SIDT1: variants seen among roughly 807,000 people sequenced by gnomAD.
The protein encoded by SIDT1 is SID1 transmembrane family, member 1.
Under a neutral mutation model 107.5 loss-of-function variants are expected in SIDT1, and 101 were observed. The ratio of observed to expected loss-of-function variants is 0.94; its 90% CI spans 0.80 to 1.11. The LOEUF (loss-of-function observed/expected upper bound fraction) is 1.11. SIDT1 is among the 50% of genes least tolerant of loss of function. SIDT1 has a pLI of 0.00. For missense variants in SIDT1, 1,076 were observed against 1,058.2 expected (o/e 1.02, Z -0.23); for synonymous variants, 395 against 398.2 (o/e 0.99, Z 0.10).
chr3:113,604,478 A>T (rs1269226903), intron 13 of SIDT1, among the ~76,000 whole-genome samples: 1 of 152,238 alleles, frequency 6.6e-6, no homozygotes, highest in East Asian at 1.9e-4. Flanking sequence ...AGCAGCCTAA[A>T]GAGATAGGCC....
chr3:113,549,845 G>T (rs750261450), intron 1 of SIDT1, among the ~76,000 whole-genome samples: 2 of 151,810 alleles, frequency 1.3e-5, no homozygotes, highest in Non-Finnish European at 2.9e-5. Flanking sequence ...TTTCTCCTAC[G>T]CTATCTTTTG....
chr3:113,588,511 A>G (rs1038474656), intron 9 of SIDT1, among the ~76,000 whole-genome samples: 2 of 152,252 alleles, frequency 1.3e-5, no homozygotes, highest in East Asian at 3.8e-4. Context: ...GATAAAAAAC[A>G]TTGATCAGAG....
intron 24 of SIDT1, among the ~76,000 whole-genome samples, chr3:113,627,105 C>T (rs1946910935): frequency 6.6e-6 from 1 of 152,170 alleles, no homozygotes; most frequent in Admixed American, 6.5e-5. Context: ...GTCAAATGAA[C>T]TAGAAATGGA....
chr3:113,611,714 TA>T (rs1186248125), intron 18 of SIDT1, among the ~76,000 whole-genome samples: 1 of 152,148 alleles, frequency 6.6e-6, no homozygotes, highest in Non-Finnish European at 1.5e-5. Flanking sequence ...GAAAGTGGAA[TA>T]GGGGTATATA....
In SIDT1 at chr3:113,584,707, A is replaced by G. The variant is rs1412942595; in HGVS notation, c.845A>G (p.Asn282Ser). 1 of 1,596,772 alleles carries G rather than the reference A, an allele frequency of 6.3e-7. No homozygotes were observed. The highest frequency in any genetic ancestry group is 2.2e-5 in the East Asian group (1 of 44,658). Residue 282 changes from asparagine to serine, a missense_variant, in exon 8 of 25, where the codon AAC becomes AGC. Asn to Ser is a conservative substitution (Grantham distance 46). Coordinates refer to ENST00000264852, the MANE Select transcript of SIDT1 (RefSeq NM_017699.3). ...ATTTTTTTTAAACCAGAAAAGGAAA[A>G]CCAGACCTGGAATCTACAGCGAAAA... ...GGSFFIQEKE[N>S]QTWNLQRKKN... is the part of the protein sequence containing the mutation.
rs1170250482 is a variant in SIDT1, at chr3:113,627,945, C to A, written c.*237C>A. The A allele has an allele frequency of 3.7e-6, 2 of 539,210 alleles. No individual in the cohort carries two copies. Among genetic ancestry groups the A allele is most frequent in the Admixed American group, 6.5e-5 (2 of 30,834 alleles). 33.4% of individuals were successfully genotyped at this position (539,210 alleles called of 1,614,324 possible). A position where few individuals can be genotyped will look rare whatever the true frequency, so the allele number is the denominator to read the frequency against. ...AACCTGAGGAGCTGAGAAACACTTG[C>A]TCCTTCCATCTGCAGCTTTGGGAGT... On this transcript the variant is annotated 3_prime_UTR_variant, in exon 25 of 25. Coordinates refer to ENST00000264852, the MANE Select transcript of SIDT1 (RefSeq NM_017699.3).
intron 21 of SIDT1, 71 bp from the exon 22 acceptor site, chr3:113,623,356 G>A (rs1475372194): frequency 2.1e-6 from 2 of 947,936 alleles, no homozygotes; most frequent in African/African-American, 1.6e-5. Context: ...TCAAGGGACT[G>A]GGGGATTGGA....
chr3:113,579,745 C>T (rs2107502189), intron 4 of SIDT1, among the ~76,000 whole-genome samples: 1 of 152,292 alleles, frequency 6.6e-6, no homozygotes, highest in African/African-American at 2.4e-5. Flanking sequence ...TTAGAGTCTT[C>T]ACTGGGAGCC....
chr3:113,618,989 C>A (rs1166622633), intron 20 of SIDT1, among the ~76,000 whole-genome samples: 2 of 152,034 alleles, frequency 1.3e-5, no homozygotes, highest in African/African-American at 4.8e-5. Flanking sequence ...CACACCTGGC[C>A]AATTTTTGTA....
intron 20 of SIDT1, among the ~76,000 whole-genome samples, chr3:113,617,765 TA>T (rs1374421431): frequency 1.3e-5 from 2 of 152,238 alleles, no homozygotes; most frequent in Non-Finnish European, 2.9e-5. Context: ...ATAGACTTTA[TA>T]TTTTTTTAGA....
chr3:113,572,985 G>C (rs1204220262), intron 3 of SIDT1, among the ~76,000 whole-genome samples: 1 of 145,416 alleles, frequency 6.9e-6, no homozygotes, highest in African/African-American at 2.5e-5. Flanking sequence ...CTACAATAAA[G>C]ATTTACATTC....
chr3:113,542,936 GTGTT>G (rs1199061448), intron 1 of SIDT1, among the ~76,000 whole-genome samples: 21 of 118,534 alleles, frequency 1.8e-4, no homozygotes, highest in East Asian at 1.0e-3. Flanking sequence ...GTGTGTGTGT[GTGTT>G]TGTTTGTTTG....
At chr3:113,558,287 T>C (rs1941088729) in intron 1 of SIDT1, among the ~76,000 whole-genome samples, 1 of 152,196 alleles carries the variant, frequency 6.6e-6, no homozygotes, top group African/African-American at 2.4e-5. Context: ...TAGAAAATAA[T>C]GTAACAAGCA....
In SIDT1 at chr3:113,608,486, T is replaced by A. The variant is rs1178296155; in HGVS notation, c.1670T>A (p.Val557Glu). The stretch of plus-strand genomic sequence containing the variant: ...GGCATTGCATTGATGATGGAAGGGG[T>A]GCTCAGTGCTTGCTACCATGTCTGC... ...AMGIALMMEGVLSACYHVCPN... is the reference protein window; with the variant it reads ...AMGIALMMEGELSACYHVCPN... Residue 557 changes from valine to glutamate, a missense_variant, in exon 17 of 25, where the codon GTG becomes GAG. Val to Glu is a moderately radical substitution (Grantham distance 121). Transcript: ENST00000264852. 2.5e-6 allele frequency: 4 copies of A among 1,614,070 alleles called. No individual in the cohort carries two copies. Among genetic ancestry groups the A allele is most frequent in the Non-Finnish European group, 3.4e-6 (4 of 1,179,948 alleles).
chr3:113,604,795 A>C, intron 13 of SIDT1, 115 bp from the exon 14 acceptor site: 2 of 1,184,642 alleles, frequency 1.7e-6, no homozygotes, highest in Middle Eastern at 2.0e-4. Context: ...GCTTCTGGTT[A>C]CTTTTGCAAG....
At chr3:113,593,111 A>G (rs1387501936) in intron 10 of SIDT1, 63 bp downstream of exon 10, 22 of 1,345,946 alleles carry the variant, frequency 1.6e-5, no homozygotes, top group Non-Finnish European at 1.9e-5. Flanking sequence ...ATCCCATTTC[A>G]TGCTTCTTTT....
intron 19 of SIDT1, 145 bp downstream of exon 19, chr3:113,612,339 T>G (rs200895007): frequency 1.4e-6 from 1 of 704,938 alleles, no homozygotes; most frequent in Non-Finnish European, 2.6e-6. Context: ...ATAGCACATA[T>G]TCGCTCCAAG....
At chr3:113,589,168 A>G (rs1943960570) in intron 9 of SIDT1, among the ~76,000 whole-genome samples, 1 of 152,250 alleles carries the variant, frequency 6.6e-6, no homozygotes, top group South Asian at 2.1e-4. Context: ...GATTCAGGAA[A>G]TGAAGATGTA....
In SIDT1 at chr3:113,626,154, T is replaced by C. The variant is rs757896055; in HGVS notation, c.2360T>C (p.Phe787Ser). Residue 787 changes from phenylalanine (F) to serine (S), a missense_variant, in exon 24 of 25, where the codon TTC becomes TCC. Physicochemically the swap from Phe to Ser is radical, Grantham distance 155. Coordinates refer to ENST00000264852, the MANE Select transcript of SIDT1 (RefSeq NM_017699.3). ...AACCGCGAGTGCATTCTGCTGGATT[T>C]CTTCGATGACCATGACATCTGGCAC... ...EKNRECILLD[F>S]FDDHDIWHFL... The C allele has an allele frequency of 3.7e-6, 6 of 1,614,184 alleles. No individual in the cohort carries two copies. Among genetic ancestry groups the C allele is most frequent in the Non-Finnish European group, 4.2e-6 (5 of 1,180,024 alleles).
Sources: gnomAD v4.1 joint callset for allele counts (sites outside exome capture counted in the v4.1 genomes callset) on GRCh38, gnomAD v4.1.1 for gene constraint, MANE v1.5 for transcripts, NCBI Gene and HGNC (gene_info 2026-07-23, HGNC 2026-07-21) for gene names.